Variants in CHST9 observed in about 807,000 individuals in gnomAD.
CHST9 encodes the protein carbohydrate sulfotransferase 9.
A neutral mutation model predicts 44.4 loss-of-function variants in CHST9; 41 were observed. The observed-to-expected ratio is 0.92, with a 90% confidence interval of 0.72 to 1.20. The LOEUF (loss-of-function observed/expected upper bound fraction) is 1.20, where lower values mean the gene tolerates loss of function less well. CHST9 is among the 50% of genes most tolerant of loss of function. The pLI is 0.00. For synonymous variants in CHST9, 171 were observed against 178.4 expected, an observed-to-expected ratio of 0.96 and a Z score of 0.33; for missense variants, 504 against 516.5, an observed-to-expected ratio of 0.98 and a Z score of 0.23.
chr18:27,061,238 T>C (rs1344827017), intron 2 of CHST9, among the ~76,000 whole-genome samples: 1 of 152,222 alleles, frequency 6.6e-6, no homozygotes, highest in Non-Finnish European at 1.5e-5. Context: ...CCACCCTGCA[T>C]CAGGTTTTCT....
intron 2 of CHST9, among the ~76,000 whole-genome samples, chr18:27,055,061 C>T (rs1259652385): frequency 2.0e-5 from 3 of 152,020 alleles, no homozygotes; most frequent in Non-Finnish European, 4.4e-5. Flanking sequence ...TCTGAGTTTG[C>T]GTTCACTTTC....
intron 4 of CHST9, among the ~76,000 whole-genome samples, chr18:26,982,667 C>G (rs1245440700): frequency 6.6e-6 from 1 of 152,082 alleles, no homozygotes; most frequent in East Asian, 1.9e-4. Flanking sequence ...GTTTTCCAGT[C>G]TTTTCTTCAA....
intron 4 of CHST9, among the ~76,000 whole-genome samples, chr18:26,990,381 C>T (rs1201064868): frequency 6.6e-6 from 1 of 152,096 alleles, no homozygotes; most frequent in Non-Finnish European, 1.5e-5. Context: ...TTCTGGGGTG[C>T]AAGTAACTGT....
At chr18:27,131,929 A>C (rs1293437984) in intron 2 of CHST9, among the ~76,000 whole-genome samples, 1 of 152,186 alleles carries the variant, frequency 6.6e-6, no homozygotes, top group Admixed American at 6.5e-5. Flanking sequence ...ATAAGCCCTC[A>C]CTTCAAGATA....
At chr18:27,096,866 C>G (rs1232348003) in intron 2 of CHST9, among the ~76,000 whole-genome samples, 1 of 151,968 alleles carries the variant, frequency 6.6e-6, no homozygotes, top group Non-Finnish European at 1.5e-5. Context: ...AGAGCTGGTA[C>G]CAATTCTACT....
chr18:27,031,025 A>C (rs976881441), intron 3 of CHST9, among the ~76,000 whole-genome samples: 3 of 152,142 alleles, frequency 2.0e-5, no homozygotes, highest in African/African-American at 7.2e-5. Flanking sequence ...AAGTGTTCTC[A>C]TATGTGTTAC....
At chr18:26,952,199 C>A in intron 4 of CHST9, 1 of 525,942 alleles carries the variant, frequency 1.9e-6, no homozygotes, top group Non-Finnish European at 3.8e-6. Flanking sequence ...CTCCCAAAAG[C>A]TGTTGGCATT....
At chr18:27,024,008 G>A (rs2057255058) in intron 4 of CHST9, 108 bp downstream of exon 4, 1 of 1,058,966 alleles carries the variant, frequency 9.4e-7, no homozygotes, top group Non-Finnish European at 1.4e-6. Flanking sequence ...GCTATCATCA[G>A]CAGAACAGGT....
At chr18:27,087,052 T>C (rs1299223587) in intron 2 of CHST9, among the ~76,000 whole-genome samples, 2 of 152,206 alleles carry the variant, frequency 1.3e-5, no homozygotes, top group Non-Finnish European at 2.9e-5. Flanking sequence ...GTGTGTGTTA[T>C]ACTGTCTTGA....
At chr18:27,064,634 C>T (rs999641935) in intron 2 of CHST9, among the ~76,000 whole-genome samples, 1 of 152,162 alleles carries the variant, frequency 6.6e-6, no homozygotes. Flanking sequence ...ACAACATAAA[C>T]ATTTGAAAGA....
intron 1 of CHST9, among the ~76,000 whole-genome samples, chr18:27,179,013 C>T (rs1379063191): frequency 6.6e-6 from 1 of 151,508 alleles, no homozygotes; most frequent in African/African-American, 2.4e-5. Flanking sequence ...TGTGTGTATA[C>T]ATATATGCTT....
intron 2 of CHST9, among the ~76,000 whole-genome samples, chr18:27,085,999 A>G (rs2058008848): frequency 6.6e-6 from 1 of 152,176 alleles, no homozygotes; most frequent in Non-Finnish European, 1.5e-5. Context: ...CCATTAACCT[A>G]AGCAAGTTAA....
intron 1 of CHST9, among the ~76,000 whole-genome samples, chr18:27,170,796 A>G (rs2058828159): frequency 1.3e-5 from 2 of 152,224 alleles, no homozygotes. Flanking sequence ...GGAGAAGAGA[A>G]CAAGAATCGA....
chr18:26,958,085 C>T (rs1448379272), intron 4 of CHST9, among the ~76,000 whole-genome samples: 1 of 125,218 alleles, frequency 8.0e-6, no homozygotes, highest in Non-Finnish European at 1.8e-5. Context: ...GGGGTTTCTC[C>T]ATGTCAGTCA....
intron 2 of CHST9, among the ~76,000 whole-genome samples, chr18:27,057,822 G>T (rs2057675396): frequency 6.6e-6 from 1 of 152,198 alleles, no homozygotes; most frequent in African/African-American, 2.4e-5. Flanking sequence ...GCAGGCGGCT[G>T]ACCTCTCTGT....
intron 4 of CHST9, among the ~76,000 whole-genome samples, chr18:26,964,075 A>G (rs1665836365): frequency 6.6e-6 from 1 of 152,256 alleles, no homozygotes; most frequent in Admixed American, 6.5e-5. Context: ...AAAACCACAG[A>G]CATTTAAAAT....
intron 4 of CHST9, among the ~76,000 whole-genome samples, chr18:26,966,419 A>G (rs1273815354): frequency 6.6e-6 from 1 of 152,238 alleles, no homozygotes; most frequent in Non-Finnish European, 1.5e-5. Flanking sequence ...TTTAAGTTGC[A>G]AGAATAATAA....
intron 2 of CHST9, among the ~76,000 whole-genome samples, chr18:27,083,941 T>C (rs146986881): frequency 3.9e-5 from 6 of 152,294 alleles, no homozygotes; most frequent in African/African-American, 1.4e-4. Flanking sequence ...ATGAATCATA[T>C]TTATTGATTT....
intron 2 of CHST9, among the ~76,000 whole-genome samples, chr18:27,070,671 A>C (rs1235789584): frequency 9.2e-6 from 1 of 109,146 alleles, no homozygotes; most frequent in Admixed American, 9.1e-5. Flanking sequence ...AAGAGGTTTG[A>C]CCTTGTCCTA....
Sources: gnomAD v4.1 joint callset for allele counts (sites outside exome capture counted in the v4.1 genomes callset) on GRCh38, gnomAD v4.1.1 for gene constraint, MANE v1.5 for transcripts, NCBI Gene and HGNC (gene_info 2026-07-23, HGNC 2026-07-21) for gene names.